FAAH2: variants seen among roughly 807,000 people sequenced by gnomAD.
FAAH2 encodes the protein fatty-acid amide hydrolase 2.
FAAH2 carries 60 observed loss-of-function variants against 36.9 expected under a neutral mutation model. That is an observed-to-expected ratio of 1.63 (90% CI 1.32 to 2.02). FAAH2 has a LOEUF of 2.02. Among genes scored for constraint, FAAH2 ranks in the 30% most tolerant of loss-of-function variants. FAAH2 has a pLI of 0.00. For synonymous variants in FAAH2, 214 were observed against 143.8 expected, an observed-to-expected ratio of 1.49 and a Z score of -3.49; for missense variants, 689 against 397.5, an observed-to-expected ratio of 1.73 and a Z score of -6.23.
intron 8 of FAAH2, among the ~76,000 whole-genome samples, chrX:57,440,144 A>T (rs969481285): frequency 5.4e-5 from 6 of 111,577 alleles, no homozygotes; most frequent in Non-Finnish European, 1.1e-4. Context: ...GAAGAAAGTC[A>T]TTGGTAGCTT....
At chrX:57,290,691 A>T (rs745874222) in intron 1 of FAAH2, among the ~76,000 whole-genome samples, 1 of 111,213 alleles carries the variant, frequency 9.0e-6, no homozygotes, top group African/African-American at 3.3e-5. Context: ...ATTAAATTTT[A>T]TCTTGATCTT....
In FAAH2 at chrX:57,353,110, T is replaced by C. The variant is rs185720327; in HGVS notation, c.742+11720T>C. On this transcript the variant is annotated intron_variant, in intron 5 of 10. Coordinates refer to ENST00000374900, the MANE Select transcript of FAAH2 (RefSeq NM_174912.4). The stretch of plus-strand genomic sequence containing the variant: ...CAGTATTATAAAAAATTAAAATTTA[T>C]ATGGAACCAAAAAAGAACCCTAATA... Among the ~76,000 whole-genome samples the C allele has an allele frequency of 4.2e-3, 463 of 110,224 alleles. 1 individual carries two copies. The highest frequency in any genetic ancestry group is 7.4e-3 in the Non-Finnish European group (388 of 52,414).
intron 9 of FAAH2, 35 bp downstream of exon 9, chrX:57,447,074 T>G (rs1350172734): frequency 5.9e-6 from 6 of 1,009,918 alleles, no homozygotes; most frequent in East Asian, 3.3e-5. Flanking sequence ...ACCAGTTTGA[T>G]GTCCTGTAAT....
chrX:57,347,796 G>A (rs1005822560), intron 5 of FAAH2, among the ~76,000 whole-genome samples: 1 of 109,368 alleles, frequency 9.1e-6, no homozygotes, highest in Non-Finnish European at 1.9e-5. Context: ...ATCTTTATTA[G>A]TGATTGGATT....
chrX:57,261,117 A>G, the FAAH2 span, among the ~76,000 whole-genome samples: 1 of 112,045 alleles, frequency 8.9e-6, no homozygotes, highest in East Asian at 2.8e-4. Context: ...TGTAATTATA[A>G]AAACGTGAAG....
chrX:57,396,240 G>A (rs2055292535), intron 7 of FAAH2, among the ~76,000 whole-genome samples: 1 of 110,872 alleles, frequency 9.0e-6, no homozygotes, highest in Admixed American at 9.6e-5. Context: ...CTAGTTGGTG[G>A]TCTATCAATT....
intron 10 of FAAH2, among the ~76,000 whole-genome samples, chrX:57,462,873 C>T (rs2056985071): frequency 1.8e-5 from 2 of 112,000 alleles, no homozygotes; most frequent in African/African-American, 6.5e-5. Context: ...CAAATTGTCT[C>T]TGTATGCAGA....
At chrX:57,220,856 C>T in the FAAH2 span, among the ~76,000 whole-genome samples, 1 of 111,912 alleles carries the variant, frequency 8.9e-6, no homozygotes, top group African/African-American at 3.3e-5. Flanking sequence ...CCCATCCCTT[C>T]CTGAGCTAGC....
At chrX:57,437,760 A>G (rs2056440274) in intron 8 of FAAH2, among the ~76,000 whole-genome samples, 1 of 102,863 alleles carries the variant, frequency 9.7e-6, no homozygotes, top group Admixed American at 1.1e-4. Flanking sequence ...ATTTATATTT[A>G]TATTGAAATA....
At chrX:57,334,268 T>TCACACACACACA (rs60873866) in intron 4 of FAAH2, among the ~76,000 whole-genome samples, 3,464 of 85,661 alleles carry the variant, frequency 0.04, 105 homozygotes, top group African/African-American at 0.084. Context: ...AGATTCCGTC[T>TCACACACACACA]CACACACACA....
chrX:57,219,357 G>A, the FAAH2 span, among the ~76,000 whole-genome samples: 1 of 111,522 alleles, frequency 9.0e-6, no homozygotes, highest in Non-Finnish European at 1.9e-5. Flanking sequence ...AGGGGCTCAG[G>A]TCTGCATCCC....
At chrX:57,479,253 G>A (rs1286675178) in intron 10 of FAAH2, among the ~76,000 whole-genome samples, 2 of 111,485 alleles carry the variant, frequency 1.8e-5, no homozygotes, top group African/African-American at 6.5e-5. Context: ...TGAAGCAATT[G>A]TGAATGGGAG....
chrX:57,191,027 A>T, the FAAH2 span, among the ~76,000 whole-genome samples: 57 of 111,705 alleles, frequency 5.1e-4, no homozygotes, highest in Admixed American at 2.1e-3. Flanking sequence ...ACTGGTTTGT[A>T]TGGTAACCTA....
intron 5 of FAAH2, among the ~76,000 whole-genome samples, chrX:57,344,252 T>C (rs2053763626): frequency 1.8e-5 from 2 of 111,110 alleles, no homozygotes; most frequent in Non-Finnish European, 1.9e-5. Context: ...TAATGGAATA[T>C]TTTTCTGTTT....
chrX:57,268,780 A>G, the FAAH2 span, among the ~76,000 whole-genome samples: 1 of 112,038 alleles, frequency 8.9e-6, no homozygotes, highest in African/African-American at 3.2e-5. Context: ...CCACCACTAC[A>G]AAAACACACT....
At chrX:57,394,507 C>T in intron 7 of FAAH2, 10 of 1,207,424 alleles carry the variant, frequency 8.3e-6, no homozygotes, top group African/African-American at 1.7e-5. Context: ...GAACAGGTGT[C>T]TTGAGGTTAA....
chrX:57,417,633 C>T (rs1461191024), intron 7 of FAAH2, among the ~76,000 whole-genome samples: 3 of 111,484 alleles, frequency 2.7e-5, no homozygotes, highest in Non-Finnish European at 5.6e-5. Flanking sequence ...TTCCAGATGC[C>T]AGCCACATGT....
chrX:57,432,380 C>G (rs779241167), intron 8 of FAAH2, among the ~76,000 whole-genome samples: 1 of 111,324 alleles, frequency 9.0e-6, no homozygotes, highest in East Asian at 2.9e-4. Flanking sequence ...AACAAGGACA[C>G]AGGGGAATGA....
At chrX:57,303,081 C>A (rs753700605) in intron 2 of FAAH2, among the ~76,000 whole-genome samples, 24 of 111,153 alleles carry the variant, frequency 2.2e-4, no homozygotes, top group Non-Finnish European at 1.5e-4. Context: ...GATTTCAAGA[C>A]CTTAGGAAAG....
Sources: allele counts gnomAD v4.1 joint callset (sites outside exome capture counted in the v4.1 genomes callset), GRCh38; gene constraint gnomAD v4.1.1; transcripts MANE v1.5; gene names NCBI Gene and HGNC (gene_info 2026-07-23, HGNC 2026-07-21).